The following MTG1 variants were observed in gnomAD, a reference collection of about 807,000 sequenced individuals.
The protein encoded by MTG1 is mitochondrial ribosome associated GTPase 1.
Under a neutral mutation model 39.5 loss-of-function variants are expected in MTG1, and 30 were observed. The ratio of observed to expected loss-of-function variants is 0.76; its 90% CI spans 0.57 to 1.03. The LOEUF (loss-of-function observed/expected upper bound fraction) is 1.03, where lower values mean the gene tolerates loss of function less well. Ranked by LOEUF, MTG1 falls within the 50% of genes least tolerant of loss-of-function variation. MTG1 has a pLI of 0.00. For synonymous variants in MTG1, 217 were observed against 179.0 expected, an observed-to-expected ratio of 1.21 and a Z score of -1.69; for missense variants, 513 against 447.4, an observed-to-expected ratio of 1.15 and a Z score of -1.32.
chr10:133,397,079 C>G (rs772869791), intron 3 of MTG1, among the ~76,000 whole-genome samples: 6 of 152,240 alleles, frequency 3.9e-5, no homozygotes, highest in Non-Finnish European at 5.9e-5. Flanking sequence ...GCTTAACTGT[C>G]TCCCTGTGAT....
chr10:133,399,816 G>A (rs1849846646), intron 6 of MTG1, 197 bp downstream of exon 6: 1 of 490,322 alleles, frequency 2.0e-6, no homozygotes, highest in East Asian at 3.3e-5. Flanking sequence ...AGGTCGTTCT[G>A]TGAATTTCAC....
Position 133,394,157 on chromosome 10 carries a change from A to G in MTG1, c.-64A>G. The G allele has an allele frequency of 7.7e-7, 1 of 1,306,774 alleles. No homozygotes were observed. Among genetic ancestry groups the G allele is most frequent in the Non-Finnish European group, 1.0e-6 (1 of 967,070 alleles). The allele number at this position is 1,306,774 out of a possible 1,614,324, so 80.9% of individuals were successfully genotyped here. A position where few individuals can be genotyped will look rare whatever the true frequency, so the allele number is the denominator to read the frequency against. Reference sequence around the variant, plus strand: ...CGGAGGCCCGCAGCGCCGGAACCTCAGAGGCGGGTCGCAGCGGCGCAGAGG... The same window carrying G: ...CGGAGGCCCGCAGCGCCGGAACCTCGGAGGCGGGTCGCAGCGGCGCAGAGG... On this transcript the variant is annotated 5_prime_UTR_variant, in exon 1 of 11. Transcript: ENST00000317502.
At chr10:133,419,883 GT>G in intron 10 of MTG1, 142 bp from the exon 11 acceptor site, 1 of 1,060,598 alleles carries the variant, frequency 9.4e-7, no homozygotes, top group Non-Finnish European at 1.4e-6. Flanking sequence ...AGCTCAAGCT[GT>G]TTTCTTTCTG....
chr10:133,419,651 G>A lies in MTG1; in HGVS notation c.865+59G>A, dbSNP rs1486894229. The A allele has an allele frequency of 8.6e-6, 12 of 1,392,576 alleles. No individual in the cohort carries two copies. The South Asian group carries it at 8.7e-5, about 10-fold the overall frequency. The allele number at this position is 1,392,576 out of a possible 1,614,324, so 86.3% of individuals were successfully genotyped here. A position where few individuals can be genotyped will look rare whatever the true frequency, so the allele number is the denominator to read the frequency against. ...TCACCCCATCACCCTGGGGGACCCC[G>A]GCCATCCCTGGAGGAGGCAGGGAGG... On this transcript the variant is annotated intron_variant, in intron 10 of 10. Transcript: ENST00000317502.
chr10:133,416,113 G>T (rs1850127929), intron 9 of MTG1, among the ~76,000 whole-genome samples: 2 of 151,694 alleles, frequency 1.3e-5, no homozygotes, highest in Admixed American at 6.6e-5. Flanking sequence ...CTGTTTTGTG[G>T]TTTCTGTTGC....
intron 7 of MTG1, 97 bp downstream of exon 7, chr10:133,401,687 C>A: frequency 8.7e-7 from 1 of 1,155,742 alleles, no homozygotes. Flanking sequence ...GCTGACCACG[C>A]TTCCCTCCCC....
intron 5 of MTG1, 75 bp downstream of exon 5, chr10:133,399,301 C>A: frequency 6.5e-7 from 1 of 1,544,322 alleles, no homozygotes; most frequent in Non-Finnish European, 8.9e-7. Flanking sequence ...CTGGCCTCTC[C>A]AAGGAGAAGG....
intron 9 of MTG1, among the ~76,000 whole-genome samples, chr10:133,414,780 C>G (rs1199848504): frequency 1.3e-5 from 2 of 152,234 alleles, no homozygotes; most frequent in Non-Finnish European, 2.9e-5. Context: ...CGGGCAGAGG[C>G]TGCAATCTCG....
chr10:133,397,635 T>C (rs1160757343), intron 3 of MTG1, among the ~76,000 whole-genome samples: 4 of 151,940 alleles, frequency 2.6e-5, no homozygotes, highest in Non-Finnish European at 5.9e-5. Context: ...CCCGCCACCA[T>C]GCCCGGCTAA....
intron 9 of MTG1, among the ~76,000 whole-genome samples, chr10:133,416,665 G>A (rs1850138689): frequency 6.9e-6 from 1 of 144,070 alleles, no homozygotes; most frequent in Non-Finnish European, 1.5e-5. Context: ...TTGGTTTTTT[G>A]TTCTTGCGAT....
chr10:133,400,248 G>A (rs907045725), intron 6 of MTG1, among the ~76,000 whole-genome samples: 5 of 152,202 alleles, frequency 3.3e-5, no homozygotes, highest in African/African-American at 4.8e-5. Flanking sequence ...AATACAAAGC[G>A]TGTGAAGTAG....
At chr10:133,398,388 A>G (rs2252852) in intron 3 of MTG1, 47 bp from the exon 4 acceptor site, 1,588,876 of 1,590,530 alleles carry the variant, frequency 1, 793,630 homozygotes, top group Non-Finnish European at 1. Flanking sequence ...TGACAGAGCC[A>G]AGACTCCAGT....
rs2133486863 is a variant in MTG1, at chr10:133,394,257, C to T, written c.37C>T (p.Gln13Ter). The T allele has an allele frequency of 1.3e-6, 2 of 1,518,002 alleles. No homozygotes were observed. Among genetic ancestry groups the T allele is most frequent in the Non-Finnish European group, 1.8e-6 (2 of 1,137,536 alleles). 94.0% of individuals were successfully genotyped at this position (1,518,002 alleles called of 1,614,324 possible). The change falls in exon 1 of 11, where the codon CAG becomes TAG. Residue 13 changes from glutamine to a stop codon, truncating the protein, a stop_gained. Transcript: ENST00000317502. LOFTEE classifies it high-confidence loss of function. The stretch of plus-strand genomic sequence containing the variant: ...CCCGCGCGCGCTGTGCAGCGCCGCC[C>T]AGGCCGCCTGGCGGGAGAACTTCCC... ...LTPRALCSAA[Q>*]AAWRENFPLC...
chr10:133,405,231 T>G (rs1444986279), intron 9 of MTG1, among the ~76,000 whole-genome samples: 1 of 152,228 alleles, frequency 6.6e-6, no homozygotes, highest in Non-Finnish European at 1.5e-5. Context: ...TTTGTAAGAT[T>G]TATATTGAAC....
At chr10:133,418,431 T>C (rs1298405904) in intron 9 of MTG1, among the ~76,000 whole-genome samples, 1 of 151,370 alleles carries the variant, frequency 6.6e-6, no homozygotes, top group Non-Finnish European at 1.5e-5. Context: ...CAGGAGTTCT[T>C]CCCATTGGCA....
intron 9 of MTG1, among the ~76,000 whole-genome samples, chr10:133,412,110 T>C (rs1217352299): frequency 6.6e-6 from 1 of 152,032 alleles, no homozygotes; most frequent in Non-Finnish European, 1.5e-5. Context: ...GCAGCTTACT[T>C]TCTGCCTGGA....
At chr10:133,419,410 G>C (rs1233712652) in intron 9 of MTG1, 70 bp from the exon 10 acceptor site, 1 of 1,349,140 alleles carries the variant, frequency 7.4e-7, no homozygotes, top group African/African-American at 1.5e-5. Context: ...TCAGGAGGAA[G>C]GGCCCGGCCT....
rs1366080957 is a variant in MTG1 at position 133,421,622 on chromosome 10, G to C, written c.*1457G>C. On this transcript the variant is annotated 3_prime_UTR_variant, in exon 11 of 11. Transcript: ENST00000317502. ...GGCTCACTGGGCCAGGGGCATTGCTGGCAGTGTGGACGGGAGGCTGCAGGG... is the reference window on the plus strand; with the variant it reads ...GGCTCACTGGGCCAGGGGCATTGCTCGCAGTGTGGACGGGAGGCTGCAGGG... The C allele has an allele frequency of 6.5e-6, 1 of 153,502 alleles. No individual in the cohort carries two copies. Among genetic ancestry groups the C allele is most frequent in the Non-Finnish European group, 1.5e-5 (1 of 68,770 alleles). The allele number at this position is 153,502 out of a possible 1,614,324, so 9.5% of individuals were successfully genotyped here. A position where few individuals can be genotyped will look rare whatever the true frequency, so the allele number is the denominator to read the frequency against.
chr10:133,419,474 G>C lies in MTG1; in HGVS notation c.753-6G>C. The stretch of plus-strand genomic sequence containing the variant: ...CCCCTGGTGCTGACCTGCAGCCTAT[G>C]TGCAGGTACGTGCAGCACTACGGCC... On this transcript the variant is annotated splice_region_variant and splice_polypyrimidine_tract_variant and intron_variant, in intron 9 of 10. Transcript: ENST00000317502. 6.3e-7 allele frequency: 1 copy of C among 1,586,636 alleles called. No homozygotes were observed. The highest frequency in any genetic ancestry group is 8.6e-7 in the Non-Finnish European group (1 of 1,166,830).
Sources: allele counts gnomAD v4.1 joint callset (sites outside exome capture counted in the v4.1 genomes callset), GRCh38; gene constraint gnomAD v4.1.1; transcripts MANE v1.5; gene names NCBI Gene and HGNC (gene_info 2026-07-23, HGNC 2026-07-21).